Variants in VAV3 observed in about 807,000 individuals in gnomAD.
VAV3 encodes the protein vav guanine nucleotide exchange factor 3, also known as guanine nucleotide exchange factor VAV3.
VAV3 carries 94 observed loss-of-function variants against 131.2 expected under a neutral mutation model. The ratio of observed to expected loss-of-function variants is 0.72; its 90% CI spans 0.61 to 0.85. The LOEUF (loss-of-function observed/expected upper bound fraction) is 0.85. VAV3 is among the 40% of genes least tolerant of loss of function. VAV3 has a pLI of 0.00. For synonymous variants in VAV3, 349 were observed against 342.0 expected (o/e 1.02, Z -0.22); for missense variants, 939 against 1,002.7 (o/e 0.94, Z 0.86).
chr1:107,948,494 G>A (rs941873548), intron 1 of VAV3, among the ~76,000 whole-genome samples: 8 of 152,138 alleles, frequency 5.3e-5, no homozygotes, highest in Admixed American at 2.0e-4. Context: ...CCAAGTTGCT[G>A]AACTAGAATT....
intron 1 of VAV3, among the ~76,000 whole-genome samples, chr1:107,888,457 T>C (rs1671146211): frequency 6.6e-6 from 1 of 152,146 alleles, no homozygotes; most frequent in Admixed American, 6.5e-5. Flanking sequence ...GAGACACTTT[T>C]TGTTTGTTTG....
At chr1:107,809,366 A>G (rs1024338386) in intron 2 of VAV3, among the ~76,000 whole-genome samples, 20 of 152,324 alleles carry the variant, frequency 1.3e-4, no homozygotes, top group Non-Finnish European at 2.6e-4. Flanking sequence ...GGAAGATCAC[A>G]TTTCCAGAAA....
intron 25 of VAV3, among the ~76,000 whole-genome samples, chr1:107,590,650 C>T (rs1346725752): frequency 6.6e-6 from 1 of 152,170 alleles, no homozygotes; most frequent in African/African-American, 2.4e-5. Flanking sequence ...TCTGTTCTAT[C>T]TCTTCTGTTT....
At chr1:107,616,549 C>T (rs1332957373) in intron 21 of VAV3, among the ~76,000 whole-genome samples, 1 of 151,972 alleles carries the variant, frequency 6.6e-6, no homozygotes, top group Admixed American at 6.6e-5. Context: ...TGCAATTTAC[C>T]CAAATAATAA....
intron 25 of VAV3, among the ~76,000 whole-genome samples, chr1:107,586,924 G>T (rs1244974152): frequency 6.6e-6 from 1 of 152,062 alleles, no homozygotes; most frequent in Admixed American, 6.5e-5. Flanking sequence ...AATTTGTTCA[G>T]AAAATAGGGT....
intron 9 of VAV3, among the ~76,000 whole-genome samples, chr1:107,764,494 CTAAATGTCA>C (rs1664625075): frequency 6.6e-6 from 1 of 152,168 alleles, no homozygotes; most frequent in South Asian, 2.1e-4. Flanking sequence ...ACATCTGATT[CTAAATGTCA>C]TATTTTTAGT....
intron 1 of VAV3, among the ~76,000 whole-genome samples, chr1:107,903,537 C>T (rs1671966189): frequency 6.6e-6 from 1 of 152,100 alleles, no homozygotes; most frequent in African/African-American, 2.4e-5. Context: ...ATCTCTCTAA[C>T]TTCAGGTAGA....
At chr1:107,659,326 A>G (rs1450837534) in intron 19 of VAV3, among the ~76,000 whole-genome samples, 1 of 152,216 alleles carries the variant, frequency 6.6e-6, no homozygotes, top group Non-Finnish European at 1.5e-5. Context: ...AAAACTATAC[A>G]TAGGAAATGC....
At chr1:107,696,080 T>G (rs1379867547) in intron 17 of VAV3, among the ~76,000 whole-genome samples, 1 of 152,238 alleles carries the variant, frequency 6.6e-6, no homozygotes, top group East Asian at 1.9e-4. Flanking sequence ...TGTCCTGCTT[T>G]GTAATCAAGT....
intron 2 of VAV3, among the ~76,000 whole-genome samples, chr1:107,854,127 G>A (rs748614459): frequency 6.6e-6 from 1 of 152,030 alleles, no homozygotes; most frequent in Non-Finnish European, 1.5e-5. Context: ...TGGCCAACAT[G>A]GCAAATCCCC....
intron 2 of VAV3, among the ~76,000 whole-genome samples, chr1:107,812,161 C>T (rs1275778578): frequency 6.6e-6 from 1 of 152,160 alleles, no homozygotes; most frequent in Non-Finnish European, 1.5e-5. Context: ...TTTTGGCTTA[C>T]AGGAAACTTC....
chr1:107,879,636 T>G (rs1557898532), intron 1 of VAV3, among the ~76,000 whole-genome samples: 1 of 152,098 alleles, frequency 6.6e-6, no homozygotes, highest in Non-Finnish European at 1.5e-5. Context: ...GCTTCAAATA[T>G]ACTGCCTTCA....
intron 1 of VAV3, among the ~76,000 whole-genome samples, chr1:107,961,067 C>A (rs928523416): frequency 1.3e-5 from 2 of 152,050 alleles, no homozygotes; most frequent in Admixed American, 6.6e-5. Flanking sequence ...TCTAAAACAG[C>A]GCCTGGAACA....
At chr1:107,583,379 A>G (rs1422392520) in intron 25 of VAV3, among the ~76,000 whole-genome samples, 3 of 152,176 alleles carry the variant, frequency 2.0e-5, no homozygotes, top group African/African-American at 7.2e-5. Flanking sequence ...CACCACTCCT[A>G]TTCAACATAG....
At chr1:107,593,226 A>G (rs1651106572) in intron 25 of VAV3, among the ~76,000 whole-genome samples, 1 of 152,142 alleles carries the variant, frequency 6.6e-6, no homozygotes, top group Non-Finnish European at 1.5e-5. Context: ...TTGAATTTGC[A>G]TAAGATAGTC....
At chr1:107,792,033 T>G (rs1412034469) in intron 2 of VAV3, among the ~76,000 whole-genome samples, 3 of 152,182 alleles carry the variant, frequency 2.0e-5, no homozygotes, top group Admixed American at 1.3e-4. Flanking sequence ...AATCTTTAAT[T>G]ACAATTTGAC....
chr1:107,571,185 T>C lies in VAV3; in HGVS notation c.*2146A>G, dbSNP rs1006039851. 4.6e-5 allele frequency: 7 copies of C among 152,690 alleles called. No homozygotes were observed. The highest frequency in any genetic ancestry group is 7.3e-5 in the Non-Finnish European group (5 of 68,050). 9.5% of individuals were successfully genotyped at this position (152,690 alleles called of 1,614,324 possible). A position where few individuals can be genotyped will look rare whatever the true frequency, so the allele number is the denominator to read the frequency against. ...ATCAATTTAGTCACTATTTATTATA[T>C]TGACATATTTACAAAATAATACAAA... On this transcript the variant is annotated 3_prime_UTR_variant, in exon 27 of 27. Transcript: ENST00000370056.
At chr1:107,935,392 C>CA (rs1228231987) in intron 1 of VAV3, among the ~76,000 whole-genome samples, 1 of 152,088 alleles carries the variant, frequency 6.6e-6, no homozygotes, top group Admixed American at 6.5e-5. Context: ...TATAATTCTC[C>CA]AGGAAGAAAG....
chr1:107,808,897 T>C (rs925976805), intron 2 of VAV3, among the ~76,000 whole-genome samples: 7 of 152,190 alleles, frequency 4.6e-5, no homozygotes, highest in Admixed American at 3.9e-4. Context: ...TGATAATAAA[T>C]TCCTAGAAGT....
Sources: gnomAD v4.1 joint callset for allele counts (sites outside exome capture counted in the v4.1 genomes callset) on GRCh38, gnomAD v4.1.1 for gene constraint, MANE v1.5 for transcripts, NCBI Gene and HGNC (gene_info 2026-07-23, HGNC 2026-07-21) for gene names.